The following ITGAX variants were observed in gnomAD, a reference collection of about 807,000 sequenced individuals.
The protein encoded by ITGAX is integrin subunit alpha X, also known as integrin alpha-X.
A neutral mutation model predicts 140.2 loss-of-function variants in ITGAX; 99 were observed. The ratio of observed to expected loss-of-function variants is 0.71; its 90% CI spans 0.60 to 0.83. The LOEUF is 0.83. Among genes scored for constraint, ITGAX ranks in the 40% least tolerant of loss-of-function variants. The probability of loss-of-function intolerance (pLI) is 0.00; values close to 1 mark genes in which losing one functional copy is unlikely to be tolerated. For synonymous variants in ITGAX, 631 were observed against 600.4 expected, an observed-to-expected ratio of 1.05 and a Z score of -0.75; for missense variants, 1,444 against 1,482.0, an observed-to-expected ratio of 0.97 and a Z score of 0.42.
At chr16:31,370,431 G>A (rs1039036644) in intron 14 of ITGAX, among the ~76,000 whole-genome samples, 4 of 152,112 alleles carry the variant, frequency 2.6e-5, no homozygotes, top group African/African-American at 9.7e-5. Context: ...CTACCCCACC[G>A]CGGCTTTTTC....
rs891546127 is a variant in ITGAX at position 31,380,905 on chromosome 16, G to A, written c.3285G>A (p.Thr1095=). ...GGTCACTTCCACTTCAGACGACAAC[G>A]GTGCTGGAGAAGTACAAGGTCCACA... The part of the protein sequence containing the change: ...QEAFMRAQTT[T]VLEKYKVHNP... Residue 1095 remains threonine (T), a synonymous_variant, in exon 29 of 30, where the codon ACG becomes ACA. Transcript: ENST00000268296. 9.9e-6 allele frequency: 16 copies of A among 1,613,858 alleles called. No individual in the cohort carries two copies. Among genetic ancestry groups the A allele is most frequent in the Non-Finnish European group, 1.4e-5 (16 of 1,179,938 alleles).
At chr16:31,374,830 T>C (rs1372320647) in intron 20 of ITGAX, among the ~76,000 whole-genome samples, 1 of 152,238 alleles carries the variant, frequency 6.6e-6, no homozygotes, top group East Asian at 1.9e-4. Context: ...CATCACCCAA[T>C]GTTCGTGTGT....
At chr16:31,367,745 C>T (rs1057510259) in intron 14 of ITGAX, among the ~76,000 whole-genome samples, 5 of 152,178 alleles carry the variant, frequency 3.3e-5, no homozygotes, top group African/African-American at 1.2e-4. Flanking sequence ...AACACAACAC[C>T]CATTCTGCAG....
chr16:31,372,057 T>G (rs1389385131), intron 17 of ITGAX, among the ~76,000 whole-genome samples: 2 of 152,080 alleles, frequency 1.3e-5, no homozygotes. Context: ...GGGCTTTTTT[T>G]CAGGCATTCA....
At chr16:31,356,936 C>A in intron 3 of ITGAX, 95 bp from the exon 4 acceptor site, 1 of 1,130,430 alleles carries the variant, frequency 8.8e-7, no homozygotes, top group Non-Finnish European at 1.3e-6. Context: ...ACCGTCAGAC[C>A]TCCTTGTCTC....
intron 5 of ITGAX, among the ~76,000 whole-genome samples, chr16:31,359,315 G>C (rs1032465187): frequency 6.6e-6 from 1 of 152,148 alleles, no homozygotes; most frequent in Non-Finnish European, 1.5e-5. Context: ...ACAGGCGCGT[G>C]CCACCACACC....
chr16:31,377,258 G>A lies in ITGAX; in HGVS notation c.2782G>A (p.Val928Ile), dbSNP rs1176013384. The A allele has an allele frequency of 1.2e-5, 19 of 1,612,104 alleles. No homozygotes were observed. Among genetic ancestry groups the A allele is most frequent in the Non-Finnish European group, 1.5e-5 (18 of 1,179,684 alleles). Residue 928 changes from valine to isoleucine, a missense_variant, in exon 23 of 30, where the codon GTT (valine) becomes ATT (isoleucine). Coordinates refer to ENST00000268296, the MANE Select transcript of ITGAX (RefSeq NM_000887.5). ...GGTGAAGTATGCTGTCTACACTGTG[G>A]TTAGCAGGTCAGCAGGTACCCCACT... ...LPVKYAVYTV[V>I]SSHEQFTKYL...
chr16:31,382,184 A>G lies in ITGAX; in HGVS notation c.*277A>G. 1 of 1,407,922 alleles carries G rather than the reference A, an allele frequency of 7.1e-7. No individual in the cohort carries two copies. The highest frequency in any genetic ancestry group is 2.6e-5 in the East Asian group (1 of 38,250). The allele number at this position is 1,407,922 out of a possible 1,614,324, so 87.2% of individuals were successfully genotyped here. On this transcript the variant is annotated 3_prime_UTR_variant, in exon 30 of 30. Transcript: ENST00000268296. ...TACATGGACAATACCCCCAGGCCTC[A>G]GTCTCCCTTCTCCCATGAGGCACGA...
chr16:31,368,057 A>G (rs1041627415), intron 14 of ITGAX, among the ~76,000 whole-genome samples: 2 of 152,070 alleles, frequency 1.3e-5, no homozygotes, highest in African/African-American at 2.4e-5. Context: ...GAAATAGAGA[A>G]CCAGAATTAG....
intron 19 of ITGAX, 44 bp from the exon 20 acceptor site, chr16:31,373,205 T>C (rs1238869631): frequency 1.5e-6 from 2 of 1,351,076 alleles, no homozygotes; most frequent in Non-Finnish European, 1.0e-6. Context: ...ATTTCTAGCC[T>C]CAGTCACAGA....
At chr16:31,356,416 C>T (rs766869021) in intron 2 of ITGAX, 12 of 519,352 alleles carry the variant, frequency 2.3e-5, no homozygotes, top group Non-Finnish European at 3.8e-5. Context: ...AGGTGTGAGC[C>T]ACCACACCCA....
chr16:31,373,171 A>AC, intron 19 of ITGAX, 78 bp from the exon 20 acceptor site: 24 of 532,694 alleles, frequency 4.5e-5, no homozygotes, highest in East Asian at 2.2e-4. Context: ...CCAAATCCCC[A>AC]CCCACCCCAT....
At chr16:31,377,474 A>G (rs2081031280) in intron 23 of ITGAX, among the ~76,000 whole-genome samples, 1 of 152,174 alleles carries the variant, frequency 6.6e-6, no homozygotes, top group Non-Finnish European at 1.5e-5. Flanking sequence ...TTTTCCATAC[A>G]TTCATTTGAC....
chr16:31,361,709 G>A, intron 9 of ITGAX, 127 bp from the exon 10 acceptor site: 1 of 1,049,874 alleles, frequency 9.5e-7, no homozygotes, highest in Non-Finnish European at 1.5e-6. Context: ...GGCAGAGCCT[G>A]GTCCCTGTCA....
At chr16:31,360,986 T>C (rs1413216239) in intron 8 of ITGAX, 77 bp from the exon 9 acceptor site, 27 of 1,373,466 alleles carry the variant, frequency 2.0e-5, no homozygotes, top group East Asian at 6.9e-5. Flanking sequence ...TGTGGGGTTA[T>C]TGGAAGATGT....
At chr16:31,368,174 C>T (rs1264633755) in intron 14 of ITGAX, among the ~76,000 whole-genome samples, 4 of 145,100 alleles carry the variant, frequency 2.8e-5, no homozygotes, top group African/African-American at 2.6e-5. Flanking sequence ...CAGATGGAAT[C>T]TATTCCTGGT....
intron 28 of ITGAX, 22 bp from the exon 29 acceptor site, chr16:31,380,875 G>A (rs1270447052): frequency 6.2e-7 from 1 of 1,601,720 alleles, no homozygotes. Flanking sequence ...GGAGTGCTCT[G>A]ACAGGGTCAC....
rs200451726 is a variant in ITGAX, at chr16:31,371,171, G to C, written c.1798G>C (p.Val600Leu). The C allele has an allele frequency of 3.1e-6, 5 of 1,613,052 alleles. No individual in the cohort carries two copies. Among genetic ancestry groups the C allele is most frequent in the Non-Finnish European group, 4.2e-6 (5 of 1,179,530 alleles). Residue 600 changes from valine to leucine, a missense_variant, in exon 15 of 30, where the codon GTG becomes CTG. Coordinates refer to ENST00000268296, the MANE Select transcript of ITGAX (RefSeq NM_000887.5). ...GGQDLTQDGLVDLAVGARGQV... is the reference protein window; with the variant it reads ...GGQDLTQDGLLDLAVGARGQV... ...TCAAGACCTCACCCAGGATGGACTGGTGGACCTGGCTGTGGGGGCCCGGGG... is the reference window on the plus strand; with the variant it reads ...TCAAGACCTCACCCAGGATGGACTGCTGGACCTGGCTGTGGGGGCCCGGGG...
rs199985461 is a variant in ITGAX at position 31,361,871 on chromosome 16, G to A, written c.1048G>A (p.Glu350Lys). 1.9e-6 allele frequency: 3 copies of A among 1,614,070 alleles called. No homozygotes were observed. In the Admixed American group the frequency reaches 5.0e-5, roughly 27 times the overall value. The change falls in exon 10 of 30, where the codon GAG (glutamate) becomes AAG (lysine). Residue 350 changes from glutamate (E) to lysine (K), a missense_variant. By Grantham distance (56) the Glu-to-Lys change is moderately conservative (BLOSUM62 1). Coordinates refer to ENST00000268296, the MANE Select transcript of ITGAX (RefSeq NM_000887.5). ...CACAAGCAGTAGCTCCTTCGAATTG[G>A]AGATGGCACAGGAGGGCTTCAGCGC... is the stretch of plus-strand genomic sequence containing the variant. ...ETTSSSSFEL[E>K]MAQEGFSAVF...
Sources: allele counts gnomAD v4.1 joint callset (sites outside exome capture counted in the v4.1 genomes callset), GRCh38; gene constraint gnomAD v4.1.1; transcripts MANE v1.5; gene names NCBI Gene and HGNC (gene_info 2026-07-23, HGNC 2026-07-21).